Variants in NEMP2 observed in about 807,000 individuals in gnomAD.
The protein encoded by NEMP2 is nuclear envelope integral membrane protein 2, also known as UPF0571 transmembrane protein.
NEMP2 carries 53 observed loss-of-function variants against 54.2 expected under a neutral mutation model. The ratio of observed to expected loss-of-function variants is 0.98; its 90% CI spans 0.78 to 1.23. The LOEUF is 1.23. Ranked by LOEUF, NEMP2 falls within the 50% of genes most tolerant of loss-of-function variation. The pLI is 0.00. For synonymous variants in NEMP2, 197 were observed against 190.3 expected (o/e 1.04, Z -0.29); for missense variants, 455 against 511.3 (o/e 0.89, Z 1.06).
chr2:190,446,790 TCCTTGCATTTATAC>T, the NEMP2 span, among the ~76,000 whole-genome samples: 1 of 152,204 alleles, frequency 6.6e-6, no homozygotes, highest in African/African-American at 2.4e-5. Flanking sequence ...GGTTCTGGTC[TCCTTGCATTTATAC>T]CCTGGCTTTA....
the NEMP2 span, chr2:190,626,464 GAGAA>G: frequency 2.6e-5 from 4 of 152,266 alleles, no homozygotes; most frequent in African/African-American, 7.2e-5. The surrounding 1 kb of genome is among the most constrained non-coding windows in gnomAD (Gnocchi z 4.5). Flanking sequence ...GAGAGAGAGA[GAGAA>G]AGAGAGAGAG....
the NEMP2 span, chr2:190,435,868 TG>T: frequency 1.1e-6 from 1 of 947,924 alleles, no homozygotes; most frequent in African/African-American, 1.6e-5. Context: ...AATTCTCTCT[TG>T]CAATTATTAT....
At chr2:190,470,911 A>G in the NEMP2 span, among the ~76,000 whole-genome samples, 2 of 152,024 alleles carry the variant, frequency 1.3e-5, no homozygotes, top group Admixed American at 6.5e-5. Flanking sequence ...AAGTATATAT[A>G]TATATACTTT....
the NEMP2 span, among the ~76,000 whole-genome samples, chr2:190,433,837 CAA>C: frequency 6.6e-6 from 1 of 152,048 alleles, no homozygotes; most frequent in Non-Finnish European, 1.5e-5. The surrounding 1 kb of genome is among the most constrained non-coding windows in gnomAD (Gnocchi z 4.5). Flanking sequence ...TTTGGGAAAA[CAA>C]AGAGCAAGAT....
the NEMP2 span, among the ~76,000 whole-genome samples, chr2:190,634,810 T>C: frequency 2.6e-5 from 4 of 152,242 alleles, no homozygotes; most frequent in Non-Finnish European, 4.4e-5. This position sits in a 1 kb window ranked among gnomAD's most constrained non-coding sequence, Gnocchi z 6.8. Flanking sequence ...ACTGTGTGTT[T>C]TGACCCTAAA....
chr2:190,620,334 C>T, the NEMP2 span: 1 of 152,070 alleles, frequency 6.6e-6, no homozygotes, highest in Admixed American at 6.6e-5. The surrounding 1 kb of genome is among the most constrained non-coding windows in gnomAD (Gnocchi z 4.9). Context: ...TGTTTGCTCT[C>T]ATGTGGTGGG....
the NEMP2 span, among the ~76,000 whole-genome samples, chr2:190,605,405 C>T: frequency 6.6e-6 from 1 of 151,706 alleles, no homozygotes; most frequent in African/African-American, 2.4e-5. Flanking sequence ...GAGTCTCGCT[C>T]GCTCTGTCAC....
Position 190,509,168 on chromosome 2 carries a change from A to G in NEMP2, c.*21T>C. The G allele has an allele frequency of 6.4e-7, 1 of 1,551,454 alleles. No homozygotes were observed. Among genetic ancestry groups the G allele is most frequent in the East Asian group, 2.4e-5 (1 of 40,900 alleles). On this transcript the variant is annotated 3_prime_UTR_variant, in exon 9 of 9. Transcript: ENST00000409150. This position sits in a 1 kb window ranked among gnomAD's most constrained non-coding sequence, Gnocchi z 6.1. The stretch of plus-strand genomic sequence containing the variant: ...TTGCCCACTTCCTTGTCCAGAATGA[A>G]GTCAACTTGAAGGTCGCATGTCAGG...
chr2:190,574,381 A>G, the NEMP2 span, among the ~76,000 whole-genome samples: 1 of 152,166 alleles, frequency 6.6e-6, no homozygotes, highest in Non-Finnish European at 1.5e-5. Context: ...TCACAATTGG[A>G]GTGGAGTGAG....
At chr2:190,478,004 A>AT in the NEMP2 span, among the ~76,000 whole-genome samples, 1 of 152,180 alleles carries the variant, frequency 6.6e-6, no homozygotes, top group African/African-American at 2.4e-5. Flanking sequence ...TTCAGGGAGC[A>AT]TAAGTGGTGT....
At chr2:190,503,544 G>T (rs1690111212), downstream of NEMP2, among the ~76,000 whole-genome samples, 1 of 152,178 alleles carries the variant, frequency 6.6e-6, no homozygotes, top group African/African-American at 2.4e-5. The surrounding 1 kb of genome is among the most constrained non-coding windows in gnomAD (Gnocchi z 6.3). Context: ...CAGCTTCAGT[G>T]TGAGAGGTTA....
the NEMP2 span, among the ~76,000 whole-genome samples, chr2:190,578,735 T>A: frequency 1.3e-4 from 19 of 146,312 alleles, no homozygotes; most frequent in East Asian, 2.9e-3. This position sits in a 1 kb window ranked among gnomAD's most constrained non-coding sequence, Gnocchi z 4.4. Flanking sequence ...GGTATAGGAG[T>A]GGGAGGGTGT....
chr2:190,454,963 T>TATGTATATGTA, the NEMP2 span, among the ~76,000 whole-genome samples: 1 of 114,022 alleles, frequency 8.8e-6, no homozygotes. The surrounding 1 kb of genome is among the most constrained non-coding windows in gnomAD (Gnocchi z 4.6). Flanking sequence ...TGTATATGTA[T>TATGTATATGTA]ATGTATATGT....
At chr2:190,500,286 C>T, downstream of NEMP2, 1 of 1,556,728 alleles carries the variant, frequency 6.4e-7, no homozygotes, top group Non-Finnish European at 8.8e-7. The surrounding 1 kb of genome is among the most constrained non-coding windows in gnomAD (Gnocchi z 5.3). Flanking sequence ...GGTGAGGCCC[C>T]CCAGCCAGGA....
chr2:190,592,066 A>G, the NEMP2 span, among the ~76,000 whole-genome samples: 2 of 152,156 alleles, frequency 1.3e-5, no homozygotes, highest in African/African-American at 2.4e-5. The surrounding 1 kb of genome is among the most constrained non-coding windows in gnomAD (Gnocchi z 4.4). Context: ...TGTGTTTAAG[A>G]GTGTTGCATA....
At chr2:190,608,311 TTAAGTG>T in the NEMP2 span, 1 of 152,164 alleles carries the variant, frequency 6.6e-6, no homozygotes, top group Admixed American at 6.5e-5. This position sits in a 1 kb window ranked among gnomAD's most constrained non-coding sequence, Gnocchi z 4.9. Flanking sequence ...AGTGCTTCAC[TTAAGTG>T]AAAAGGTGAA....
the NEMP2 span, among the ~76,000 whole-genome samples, chr2:190,605,640 G>A: frequency 2.0e-5 from 3 of 152,176 alleles, no homozygotes; most frequent in Non-Finnish European, 2.9e-5. Context: ...GCCTCCCAAA[G>A]TGCTGGGATT....
rs892666662 is a variant in NEMP2, at chr2:190,523,759, T to A, written c.213+1504A>T. 2.6e-5 allele frequency among the ~76,000 whole-genome samples: 4 copies of A among 152,292 alleles called. No homozygotes were observed. Among genetic ancestry groups the A allele is most frequent in the African/African-American group, 9.6e-5 (4 of 41,580 alleles). On this transcript the variant is annotated intron_variant, in intron 2 of 8. Coordinates refer to ENST00000409150, the MANE Select transcript of NEMP2 (RefSeq NM_001142645.2). The surrounding 1 kb of genome is among the most constrained non-coding windows in gnomAD (Gnocchi z 5.3). ...TTTGAAGGGGCCCTGACTGGCTAAA[T>A]CTAGGACAATTTGAGTATCAAAATA... is the stretch of plus-strand genomic sequence containing the variant.
chr2:190,470,959 A>G, the NEMP2 span, among the ~76,000 whole-genome samples: 3 of 152,176 alleles, frequency 2.0e-5, no homozygotes, highest in East Asian at 5.8e-4. Flanking sequence ...TGGTGTAGCT[A>G]GTAAAAGGAG....
Sources: gnomAD v4.1 joint callset for allele counts (sites outside exome capture counted in the v4.1 genomes callset) on GRCh38, gnomAD v4.1.1 for gene constraint, Gnocchi (gnomAD v3.1) non-coding constraint, MANE v1.5 for transcripts, NCBI Gene and HGNC (gene_info 2026-07-23, HGNC 2026-07-21) for gene names.